Variants in FAF1 observed in about 807,000 individuals in gnomAD.
FAF1 encodes FAS-associated factor 1.
In FAF1, 25 loss-of-function variants were observed where a neutral mutation model predicts 92.5. The observed-to-expected ratio is 0.27, with a 90% CI of 0.20 to 0.38. The LOEUF (loss-of-function observed/expected upper bound fraction) is 0.38, where lower values mean the gene tolerates loss of function less well. Ranked by LOEUF, FAF1 falls within the 10% of genes least tolerant of loss-of-function variation. FAF1 has a pLI of 1.00. For synonymous variants in FAF1, 234 were observed against 273.2 expected, an observed-to-expected ratio of 0.86 and a Z score of 1.42; for missense variants, 636 against 793.3, an observed-to-expected ratio of 0.80 and a Z score of 2.38.
intron 13 of FAF1, among the ~76,000 whole-genome samples, chr1:50,548,034 T>C (rs1007252270): frequency 6.6e-6 from 1 of 152,178 alleles, no homozygotes; most frequent in African/African-American, 2.4e-5. Flanking sequence ...AGAAATTCCT[T>C]CTCTAGCAAT....
intron 4 of FAF1, among the ~76,000 whole-genome samples, chr1:50,759,944 T>C (rs1318025126): frequency 1.3e-5 from 2 of 152,206 alleles, no homozygotes; most frequent in Non-Finnish European, 2.9e-5. Context: ...GCTGCATAAA[T>C]ATCTTCTTTT....
intron 13 of FAF1, among the ~76,000 whole-genome samples, chr1:50,544,618 C>G (rs1304828136): frequency 6.6e-6 from 1 of 152,102 alleles, no homozygotes; most frequent in Non-Finnish European, 1.5e-5. Flanking sequence ...CTGAGTCAAC[C>G]ACTTTAAAAA....
At chr1:50,917,659 GA>G (rs1644929512) in intron 1 of FAF1, among the ~76,000 whole-genome samples, 1 of 144,828 alleles carries the variant, frequency 6.9e-6, no homozygotes, top group African/African-American at 2.6e-5. Flanking sequence ...GAAAGGAAAG[GA>G]AAGGAAAGGA....
At chr1:50,666,396 G>A (rs945047303) in intron 7 of FAF1, among the ~76,000 whole-genome samples, 5 of 151,908 alleles carry the variant, frequency 3.3e-5, no homozygotes, top group African/African-American at 1.2e-4. Flanking sequence ...TTGTAGAGAG[G>A]AGGTATCATT....
intron 15 of FAF1, among the ~76,000 whole-genome samples, chr1:50,493,686 C>T (rs986943206): frequency 6.6e-6 from 1 of 152,122 alleles, no homozygotes; most frequent in African/African-American, 2.4e-5. Context: ...CACATACTGC[C>T]TAGTTTTGGG....
At chr1:50,754,338 A>C (rs1659990841) in intron 4 of FAF1, among the ~76,000 whole-genome samples, 1 of 152,164 alleles carries the variant, frequency 6.6e-6, no homozygotes, top group Non-Finnish European at 1.5e-5. Flanking sequence ...AGCAGTATTT[A>C]ATCTTGTACT....
At chr1:50,843,739 T>TTG (rs921691220) in intron 2 of FAF1, among the ~76,000 whole-genome samples, 98 of 151,484 alleles carry the variant, frequency 6.5e-4, no homozygotes, top group African/African-American at 1.5e-3. Context: ...TGATATTCCA[T>TTG]TGTGTGTGTG....
chr1:50,830,092 T>C (rs779427435), intron 2 of FAF1, among the ~76,000 whole-genome samples: 33 of 152,284 alleles, frequency 2.2e-4, no homozygotes, highest in Non-Finnish European at 4.7e-4. Context: ...GGTATCATTC[T>C]TGCTTCTTTT....
intron 12 of FAF1, among the ~76,000 whole-genome samples, chr1:50,580,753 C>A (rs545895104): frequency 3.9e-5 from 6 of 152,242 alleles, no homozygotes; most frequent in African/African-American, 1.4e-4. Context: ...TGTTAGAATA[C>A]TTTCTCTTTG....
At chr1:50,767,797 T>G (rs562392760) in intron 4 of FAF1, among the ~76,000 whole-genome samples, 69 of 152,076 alleles carry the variant, frequency 4.5e-4, no homozygotes, top group Non-Finnish European at 7.1e-4. Flanking sequence ...TCCTTAAGGG[T>G]GTGCTAAATA....
intron 6 of FAF1, among the ~76,000 whole-genome samples, chr1:50,713,782 T>TACA (rs1658052354): frequency 6.7e-6 from 1 of 149,974 alleles, no homozygotes; most frequent in South Asian, 2.2e-4. Context: ...GCTTTTTTTT[T>TACA]TTTTTTTTTG....
intron 7 of FAF1, among the ~76,000 whole-genome samples, chr1:50,688,561 A>G (rs931379512): frequency 2.6e-5 from 4 of 152,116 alleles, no homozygotes; most frequent in African/African-American, 9.7e-5. Context: ...GCCTGTAATC[A>G]TAGCACTTTG....
intron 15 of FAF1, among the ~76,000 whole-genome samples, chr1:50,500,964 T>C (rs1486158892): frequency 6.6e-6 from 1 of 152,202 alleles, no homozygotes; most frequent in African/African-American, 2.4e-5. Context: ...GTAAGAAATA[T>C]TTTTGAATAG....
At chr1:50,852,369 C>A (rs868150279) in intron 2 of FAF1, among the ~76,000 whole-genome samples, 1 of 152,138 alleles carries the variant, frequency 6.6e-6, no homozygotes, top group African/African-American at 2.4e-5. Context: ...TTGCTAATAA[C>A]TCAATCAGTC....
At chr1:50,760,054 C>CCTTTGTCAGATGAGTAGGTTGCT (rs754329903) in intron 4 of FAF1, among the ~76,000 whole-genome samples, 1 of 151,908 alleles carries the variant, frequency 6.6e-6, no homozygotes, top group Admixed American at 6.6e-5. Flanking sequence ...GGATACTCGC[C>CCTTTGTCAGATGAGTAGGTTGCT]CTTTGTCAGA....
chr1:50,510,992 A>T (rs948867053), intron 15 of FAF1, among the ~76,000 whole-genome samples: 1 of 152,192 alleles, frequency 6.6e-6, no homozygotes, highest in Non-Finnish European at 1.5e-5. Flanking sequence ...TTTATCTATT[A>T]AAAAGTCCCC....
chr1:50,687,092 G>C (rs2124381948), intron 7 of FAF1, among the ~76,000 whole-genome samples: 1 of 152,232 alleles, frequency 6.6e-6, no homozygotes, highest in East Asian at 1.9e-4. Context: ...GCCTTCCAAA[G>C]TGCTGGGATT....
chr1:50,832,418 TAAAG>T (rs1452913611), intron 2 of FAF1, among the ~76,000 whole-genome samples: 1 of 152,190 alleles, frequency 6.6e-6, no homozygotes, highest in Non-Finnish European at 1.5e-5. Context: ...TCAACTTTGA[TAAAG>T]AAAGATTTCT....
At chr1:50,492,930 A>G (rs960776482) in intron 15 of FAF1, among the ~76,000 whole-genome samples, 2 of 152,198 alleles carry the variant, frequency 1.3e-5, no homozygotes, top group African/African-American at 2.4e-5. Flanking sequence ...AGAAAGAATT[A>G]GATGTTGCTG....
Sources: gnomAD v4.1 joint callset for allele counts (sites outside exome capture counted in the v4.1 genomes callset) on GRCh38, gnomAD v4.1.1 for gene constraint, MANE v1.5 for transcripts, NCBI Gene and HGNC (gene_info 2026-07-23, HGNC 2026-07-21) for gene names.